NRXN3: variants seen among roughly 807,000 people sequenced by gnomAD.
NRXN3 encodes neurexin III.
NRXN3 carries 32 observed loss-of-function variants against 137.6 expected under a neutral mutation model. The ratio of observed to expected loss-of-function variants is 0.23; its 90% confidence interval spans 0.18 to 0.31. The LOEUF (loss-of-function observed/expected upper bound fraction) is 0.31, where lower values mean the gene tolerates loss of function less well. Ranked by LOEUF, NRXN3 falls within the 10% of genes least tolerant of loss-of-function variation. The probability of loss-of-function intolerance (pLI) is 1.00; values close to 1 mark genes in which losing one functional copy is unlikely to be tolerated. For missense variants in NRXN3, 1,574 were observed against 2,062.5 expected, an observed-to-expected ratio of 0.76 and a Z score of 4.59; for synonymous variants, 798 against 784.5, an observed-to-expected ratio of 1.02 and a Z score of -0.29.
intron 4 of NRXN3, among the ~76,000 whole-genome samples, chr14:78,519,142 T>A (rs1450189258): frequency 1.3e-5 from 2 of 152,186 alleles, no homozygotes; most frequent in Non-Finnish European, 2.9e-5. Flanking sequence ...ATCTTTAGTA[T>A]GTAAAAACCT....
chr14:78,520,815 GACAGAAC>G (rs2096274017), intron 4 of NRXN3, among the ~76,000 whole-genome samples: 3 of 152,182 alleles, frequency 2.0e-5, no homozygotes, highest in Admixed American at 6.5e-5. Flanking sequence ...GATGGGAAGA[GACAGAAC>G]ACTGCGAATT....
At chr14:78,766,840 T>C (rs1220827718) in intron 8 of NRXN3, among the ~76,000 whole-genome samples, 1 of 152,108 alleles carries the variant, frequency 6.6e-6, no homozygotes, top group Non-Finnish European at 1.5e-5. Context: ...AAACTCTCAC[T>C]CTCCTCATCT....
At chr14:78,665,652 G>A (rs920687999) in intron 6 of NRXN3, among the ~76,000 whole-genome samples, 1 of 152,160 alleles carries the variant, frequency 6.6e-6, no homozygotes, top group Non-Finnish European at 1.5e-5. Context: ...GACCTGAGAT[G>A]AAAGTAGCAC....
At chr14:79,285,049 G>T (rs572679367) in intron 15 of NRXN3, among the ~76,000 whole-genome samples, 2 of 152,146 alleles carry the variant, frequency 1.3e-5, no homozygotes, top group South Asian at 4.1e-4. Context: ...TTGTTCTTGA[G>T]AGACCACCAT....
intron 4 of NRXN3, among the ~76,000 whole-genome samples, chr14:78,614,398 A>G (rs1250430195): frequency 6.6e-6 from 1 of 152,250 alleles, no homozygotes; most frequent in Non-Finnish European, 1.5e-5. Context: ...CTACTTTTAC[A>G]TATGAAAAGA....
intron 15 of NRXN3, among the ~76,000 whole-genome samples, chr14:79,378,878 A>T (rs896588347): frequency 2.9e-5 from 2 of 69,172 alleles, no homozygotes; most frequent in Non-Finnish European, 7.6e-5. Flanking sequence ...AACAGATTTA[A>T]AAAAAAAAAA....
intron 4 of NRXN3, among the ~76,000 whole-genome samples, chr14:78,572,888 T>C (rs2096902605): frequency 6.6e-6 from 1 of 152,160 alleles, no homozygotes; most frequent in African/African-American, 2.4e-5. Context: ...CAGTTGAGAA[T>C]TGGTGACTGA....
chr14:79,338,937 T>C (rs559806751), intron 15 of NRXN3, among the ~76,000 whole-genome samples: 1 of 152,366 alleles, frequency 6.6e-6, no homozygotes, highest in South Asian at 2.1e-4. Flanking sequence ...TGAGACTAAG[T>C]ATTTGTTTTG....
intron 15 of NRXN3, among the ~76,000 whole-genome samples, chr14:79,351,541 G>T (rs2093206720): frequency 6.6e-6 from 1 of 152,174 alleles, no homozygotes; most frequent in African/African-American, 2.4e-5. Flanking sequence ...CAATGAGCAA[G>T]TCACTTAATA....
intron 20 of NRXN3, among the ~76,000 whole-genome samples, chr14:79,857,838 G>A (rs775334021): frequency 6.6e-6 from 1 of 152,112 alleles, no homozygotes; most frequent in Non-Finnish European, 1.5e-5. Flanking sequence ...GAGGGGTTAG[G>A]AAAGCTTCTA....
intron 4 of NRXN3, among the ~76,000 whole-genome samples, chr14:78,563,107 C>T (rs1056955570): frequency 6.6e-6 from 1 of 152,184 alleles, no homozygotes; most frequent in African/African-American, 2.4e-5. Flanking sequence ...CAAGGCTTCT[C>T]ACAGGATGGC....
intron 15 of NRXN3, among the ~76,000 whole-genome samples, chr14:79,194,329 A>G (rs1309953093): frequency 6.6e-6 from 1 of 152,212 alleles, no homozygotes; most frequent in Non-Finnish European, 1.5e-5. Context: ...AGAAAGAACT[A>G]AGAACGGTCT....
At chr14:78,545,127 C>G (rs369103941) in intron 4 of NRXN3, among the ~76,000 whole-genome samples, 14 of 152,164 alleles carry the variant, frequency 9.2e-5, no homozygotes, top group African/African-American at 3.4e-4. Context: ...TGGTTGTTCT[C>G]TTGTAAATTT....
At chr14:79,271,630 T>A (rs2079343792) in intron 15 of NRXN3, among the ~76,000 whole-genome samples, 2 of 150,582 alleles carry the variant, frequency 1.3e-5, no homozygotes, top group South Asian at 4.3e-4. Flanking sequence ...CTGTATCCCA[T>A]GGAATACCTC....
At chr14:78,873,760 C>T (rs1782293279) in intron 10 of NRXN3, among the ~76,000 whole-genome samples, 1 of 152,094 alleles carries the variant, frequency 6.6e-6, no homozygotes, top group African/African-American at 2.4e-5. Context: ...TCCCTGGGAG[C>T]TTATTGGAAG....
At position 78,794,560 on chromosome 14, in the gene NRXN3, A is replaced by G. The variant is rs1176598304; in HGVS notation, c.2045-9060A>G. Among the ~76,000 whole-genome samples, 4 of 152,222 alleles carry G rather than the reference A, an allele frequency of 2.6e-5. No homozygotes were observed. In the East Asian group the frequency reaches 7.7e-4, roughly 29 times the overall value. ...TGTAATATTAAAGTTTAGTTTAATT[A>G]AAGTAGTACATATAGATTTTCCTCT... On this transcript the variant is annotated intron_variant, in intron 8 of 20. Transcript: ENST00000335750.
At chr14:78,248,313 C>A (rs1596346110) in intron 2 of NRXN3, among the ~76,000 whole-genome samples, 1 of 52,076 alleles carries the variant, frequency 1.9e-5, no homozygotes, top group African/African-American at 6.4e-5. Context: ...CCCCCCCCCC[C>A]CCCACCCGCC....
intron 19 of NRXN3, among the ~76,000 whole-genome samples, chr14:79,796,831 T>C (rs368015228): frequency 1.3e-5 from 2 of 152,346 alleles, no homozygotes; most frequent in African/African-American, 4.8e-5. Context: ...TACGATTTGC[T>C]TGAATTCCTA....
At chr14:78,674,503 T>C (rs1170968041) in intron 6 of NRXN3, among the ~76,000 whole-genome samples, 2 of 152,180 alleles carry the variant, frequency 1.3e-5, no homozygotes, top group Non-Finnish European at 2.9e-5. Flanking sequence ...AAGGGAAAAG[T>C]CTTTCATGCC....
Sources: allele counts gnomAD v4.1 joint callset (sites outside exome capture counted in the v4.1 genomes callset), GRCh38; gene constraint gnomAD v4.1.1; transcripts MANE v1.5; gene names NCBI Gene and HGNC (gene_info 2026-07-23, HGNC 2026-07-21).